The following METTL15 variants were observed in gnomAD, a reference collection of about 807,000 sequenced individuals.
METTL15 encodes methyltransferase 15, mitochondrial 12S rRNA N4-cytidine.
In METTL15, 34 loss-of-function variants were observed where a neutral mutation model predicts 38.3. The observed-to-expected ratio is 0.89, with a 90% CI of 0.68 to 1.18. The LOEUF is 1.18. Among genes scored for constraint, METTL15 ranks in the 50% most tolerant of loss-of-function variants. The pLI is 0.00. For synonymous variants in METTL15, 162 were observed against 170.9 expected (o/e 0.95, Z 0.41); for missense variants, 438 against 498.4 (o/e 0.88, Z 1.15).
At chr11:28,387,397 T>A (rs1850451669) in intron 5 of METTL15, among the ~76,000 whole-genome samples, 1 of 151,750 alleles carries the variant, frequency 6.6e-6, no homozygotes, top group African/African-American at 2.4e-5. Flanking sequence ...TAAAAGATCA[T>A]GATATAATAG....
intron 4 of METTL15, among the ~76,000 whole-genome samples, chr11:28,223,690 A>C (rs2133869491): frequency 6.6e-6 from 1 of 152,298 alleles, no homozygotes; most frequent in Non-Finnish European, 1.5e-5. Flanking sequence ...TTTTACAGAA[A>C]ACTGAGCAAT....
At chr11:28,180,153 A>G (rs1234041948) in intron 3 of METTL15, among the ~76,000 whole-genome samples, 1 of 151,916 alleles carries the variant, frequency 6.6e-6, no homozygotes, top group Non-Finnish European at 1.5e-5. Flanking sequence ...GGTAGACCAT[A>G]ATGTTCTGTA....
At chr11:28,343,876 T>A (rs1239628255) in intron 3 of METTL15, among the ~76,000 whole-genome samples, 1 of 152,172 alleles carries the variant, frequency 6.6e-6, no homozygotes, top group East Asian at 1.9e-4. Context: ...ATGCCAATTT[T>A]GAAAAGATAG....
chr11:28,194,122 A>ATCTTTCTTTCTTTCTT (rs57046097), intron 3 of METTL15, among the ~76,000 whole-genome samples: 19,356 of 98,904 alleles, frequency 0.2, 2,952 homozygotes, highest in African/African-American at 0.22. Flanking sequence ...TTGATGGTTG[A>ATCTTTCTTTCTTTCTT]TCTTTCTTTC....
chr11:28,275,794 A>G (rs573470924), intron 4 of METTL15, among the ~76,000 whole-genome samples: 2 of 152,232 alleles, frequency 1.3e-5, no homozygotes, highest in African/African-American at 4.8e-5. Context: ...GATTCCACAT[A>G]CACTAATCAA....
Position 28,398,579 on chromosome 11 carries a change from T to G in METTL15, c.*359-25720T>G, listed in dbSNP as rs7120039. Reference sequence around the variant, plus strand: ...TTGTAGATTCTGGATATTAGCCCCTTGTCAGATGGATAGATTGCAAAAATT... The same window carrying G: ...TTGTAGATTCTGGATATTAGCCCCTGGTCAGATGGATAGATTGCAAAAATT... On this transcript the variant is annotated intron_variant and NMD_transcript_variant, in intron 5 of 7. Coordinates refer to the METTL15 transcript ENST00000532947. 1.6e-3 allele frequency among the ~76,000 whole-genome samples: 243 copies of G among 152,286 alleles called. 1 individual carries two copies. Among genetic ancestry groups the G allele is most frequent in the African/African-American group, 5.5e-3 (229 of 41,578 alleles).
At chr11:28,195,270 ACTT>A (rs1304700361) in intron 3 of METTL15, among the ~76,000 whole-genome samples, 1 of 152,074 alleles carries the variant, frequency 6.6e-6, no homozygotes, top group Non-Finnish European at 1.5e-5. Context: ...ATCTACTTTT[ACTT>A]CTTTGAGAAA....
At chr11:28,109,942 A>G (rs939870625) in intron 1 of METTL15, among the ~76,000 whole-genome samples, 4 of 152,232 alleles carry the variant, frequency 2.6e-5, no homozygotes, top group Non-Finnish European at 4.4e-5. Flanking sequence ...GTTTCTAAAC[A>G]TAGAGCTAAT....
chr11:28,239,577 A>T (rs376239570), intron 4 of METTL15, among the ~76,000 whole-genome samples: 1 of 152,172 alleles, frequency 6.6e-6, no homozygotes, highest in East Asian at 1.9e-4. Flanking sequence ...TATCCTTCTT[A>T]AAAGCAAATT....
At chr11:28,471,331 G>A (rs1380004601) in intron 6 of METTL15, among the ~76,000 whole-genome samples, 3 of 152,130 alleles carry the variant, frequency 2.0e-5, no homozygotes, top group Non-Finnish European at 2.9e-5. Context: ...CAAGGGGAAA[G>A]GATCGCATGA....
chr11:28,497,730 G>A (rs112186784), intron 6 of METTL15, among the ~76,000 whole-genome samples: 9 of 152,242 alleles, frequency 5.9e-5, no homozygotes, highest in African/African-American at 2.2e-4. Flanking sequence ...TGGCAGAAGA[G>A]CAAGAGAGGC....
chr11:28,432,675 C>T (rs1485139627), intron 6 of METTL15, among the ~76,000 whole-genome samples: 1 of 152,196 alleles, frequency 6.6e-6, no homozygotes, highest in Non-Finnish European at 1.5e-5. Flanking sequence ...ATATCGAACT[C>T]ATAGTGTTTC....
downstream of METTL15, among the ~76,000 whole-genome samples, chr11:28,528,217 C>T (rs190079594): frequency 2.0e-5 from 3 of 152,270 alleles, no homozygotes; most frequent in East Asian, 5.8e-4. Context: ...TTACCCAGTG[C>T]AAAGCCCTTG....
intron 6 of METTL15, among the ~76,000 whole-genome samples, chr11:28,504,792 C>T (rs1477960955): frequency 6.6e-6 from 1 of 152,196 alleles, no homozygotes; most frequent in Non-Finnish European, 1.5e-5. Context: ...TTATTTTGAA[C>T]TCATTCGAAT....
intron 3 of METTL15, among the ~76,000 whole-genome samples, chr11:28,187,153 T>A (rs1851526282): frequency 6.6e-6 from 1 of 151,248 alleles, no homozygotes; most frequent in Admixed American, 6.6e-5. Context: ...AATTAGTAAA[T>A]ATAAAATTAA....
intron 3 of METTL15, among the ~76,000 whole-genome samples, chr11:28,136,162 A>G (rs989885641): frequency 2.0e-5 from 3 of 152,144 alleles, no homozygotes; most frequent in Non-Finnish European, 4.4e-5. Flanking sequence ...TGGACAAAGA[A>G]ATTTGTTTAT....
At chr11:28,412,824 A>G (rs1029533104) in intron 5 of METTL15, among the ~76,000 whole-genome samples, 3 of 152,030 alleles carry the variant, frequency 2.0e-5, no homozygotes, top group African/African-American at 7.2e-5. Flanking sequence ...GAGCTAAAGT[A>G]CAACATGAGG....
At chr11:28,448,184 G>T (rs1274652015) in intron 6 of METTL15, among the ~76,000 whole-genome samples, 1 of 152,120 alleles carries the variant, frequency 6.6e-6, no homozygotes, top group East Asian at 1.9e-4. Context: ...CATTTAACAT[G>T]GTAGAGCCCC....
intron 6 of METTL15, chr11:28,516,948 C>A (rs550488884): frequency 6.6e-6 from 1 of 152,344 alleles, no homozygotes; most frequent in South Asian, 2.1e-4. Flanking sequence ...AATATTAGAA[C>A]TTGAAGCTGG....
Sources: allele counts gnomAD v4.1 joint callset (sites outside exome capture counted in the v4.1 genomes callset), GRCh38; gene constraint gnomAD v4.1.1; transcripts MANE v1.5; gene names NCBI Gene and HGNC (gene_info 2026-07-23, HGNC 2026-07-21).